CTIF: variants seen among roughly 807,000 people sequenced by gnomAD.
CTIF encodes cap binding complex dependent translation initiation factor.
A neutral mutation model predicts 66.0 loss-of-function variants in CTIF; 21 were observed. That is an observed-to-expected ratio of 0.32 (90% CI 0.23 to 0.46). CTIF has a LOEUF of 0.46. Among genes scored for constraint, CTIF ranks in the 20% least tolerant of loss-of-function variants. The probability of loss-of-function intolerance (pLI) is 1.00; values close to 1 mark genes in which losing one functional copy is unlikely to be tolerated. For synonymous variants in CTIF, 345 were observed against 326.4 expected (o/e 1.06, Z -0.62); for missense variants, 739 against 812.7 (o/e 0.91, Z 1.10).
rs181886453 is a variant in CTIF, at chr18:48,615,084, C to T, written c.-28-4454C>T. 1.2e-4 allele frequency among the ~76,000 whole-genome samples: 18 copies of T among 152,092 alleles called. No individual in the cohort carries two copies. The East Asian group carries it at 2.5e-3, about 21-fold the overall frequency. On this transcript the variant is annotated intron_variant, in intron 1 of 11. Transcript: ENST00000256413. ...ATTTTTAAAAAAATTTTTGGAAAGA[C>T]GAGGTCTTGCTATGTTGCCTAGGCT...
chr18:48,717,649 T>C (rs1194496787), intron 7 of CTIF, among the ~76,000 whole-genome samples: 1 of 152,086 alleles, frequency 6.6e-6, no homozygotes, highest in African/African-American at 2.4e-5. Flanking sequence ...ACTGTGTGAA[T>C]TATATCTCAA....
intron 1 of CTIF, among the ~76,000 whole-genome samples, chr18:48,570,909 A>T (rs747313656): frequency 3.9e-5 from 6 of 151,958 alleles, no homozygotes; most frequent in Non-Finnish European, 8.8e-5. Context: ...TTGTCCCAGG[A>T]TTTTCTTTTG....
intron 6 of CTIF, chr18:48,692,511 C>T (rs975160377): frequency 6.6e-6 from 1 of 152,160 alleles, no homozygotes; most frequent in African/African-American, 2.4e-5. Context: ...TCTGCTGGGA[C>T]ATTCTAGAAT....
chr18:48,859,226 T>C, intron 11 of CTIF, 118 bp from the exon 12 acceptor site: 1 of 829,360 alleles, frequency 1.2e-6, no homozygotes. Context: ...CACAGGGGTC[T>C]GGGCCTGTGT....
chr18:48,681,281 C>T (rs1031153454), intron 6 of CTIF, among the ~76,000 whole-genome samples: 7 of 152,306 alleles, frequency 4.6e-5, no homozygotes, highest in African/African-American at 9.6e-5. Flanking sequence ...TGTGTGACAC[C>T]GTCAGTTGCT....
At chr18:48,783,579 A>AGCCT (rs1243284222) in intron 9 of CTIF, among the ~76,000 whole-genome samples, 1 of 152,108 alleles carries the variant, frequency 6.6e-6, no homozygotes, top group African/African-American at 2.4e-5. Context: ...TGTGGGGTAC[A>AGCCT]GCCTGGGGAG....
At chr18:48,741,008 A>C (rs1386033439) in intron 7 of CTIF, among the ~76,000 whole-genome samples, 1 of 152,246 alleles carries the variant, frequency 6.6e-6, no homozygotes, top group African/African-American at 2.4e-5. Flanking sequence ...CATCAGCTAT[A>C]AAATGAGGAC....
At chr18:48,811,580 C>T (rs1448219524) in intron 9 of CTIF, among the ~76,000 whole-genome samples, 1 of 152,184 alleles carries the variant, frequency 6.6e-6, no homozygotes, top group Non-Finnish European at 1.5e-5. Context: ...CTCCCCAGCT[C>T]CTTGTAACCA....
At chr18:48,845,606 A>T (rs1030960452) in intron 10 of CTIF, among the ~76,000 whole-genome samples, 2 of 151,860 alleles carry the variant, frequency 1.3e-5, no homozygotes, top group African/African-American at 4.8e-5. Context: ...TCTCCAGGTC[A>T]CCTCACTCAC....
At chr18:48,623,005 C>T (rs554890173) in intron 2 of CTIF, among the ~76,000 whole-genome samples, 1 of 152,350 alleles carries the variant, frequency 6.6e-6, no homozygotes. Flanking sequence ...TTTCTGTGCC[C>T]AGAGCAGCCA....
At position 48,860,110 on chromosome 18, in the gene CTIF, G is replaced by A. The variant is rs1004466476; in HGVS notation, c.*551G>A. On this transcript the variant is annotated 3_prime_UTR_variant, in exon 12 of 12. Transcript: ENST00000256413. ...TCCCCACCAGCCGCCCGTAATTGAC[G>A]GCCTTTGTCAGCCATGGCAGAGCTG... 46 of 375,750 alleles carry A rather than the reference G, an allele frequency of 1.2e-4. No individual in the cohort carries two copies. Among genetic ancestry groups the A allele is most frequent in the Non-Finnish European group, 2.2e-4 (40 of 186,004 alleles). The allele number at this position is 375,750 out of a possible 1,614,324, so 23.3% of individuals were successfully genotyped here. A position where few individuals can be genotyped will look rare whatever the true frequency, so the allele number is the denominator to read the frequency against.
chr18:48,713,010 T>C (rs1177220398), intron 7 of CTIF, among the ~76,000 whole-genome samples: 1 of 152,196 alleles, frequency 6.6e-6, no homozygotes, highest in Non-Finnish European at 1.5e-5. Context: ...AAAGGAACAC[T>C]GAGCAGGAAG....
chr18:48,648,020 C>G (rs1156262276), intron 3 of CTIF, among the ~76,000 whole-genome samples: 1 of 152,122 alleles, frequency 6.6e-6, no homozygotes, highest in Non-Finnish European at 1.5e-5. Flanking sequence ...GAGCTGGGGA[C>G]AGTTGAGGAG....
At chr18:48,673,360 C>T (rs113817009) in intron 6 of CTIF, among the ~76,000 whole-genome samples, 13 of 152,004 alleles carry the variant, frequency 8.6e-5, no homozygotes, top group African/African-American at 3.1e-4. Context: ...GAGTTTCTCC[C>T]ACCACTTCCC....
intron 9 of CTIF, among the ~76,000 whole-genome samples, chr18:48,796,833 G>A (rs1421331655): frequency 6.6e-6 from 1 of 152,214 alleles, no homozygotes; most frequent in Non-Finnish European, 1.5e-5. Context: ...GCTGATCTGA[G>A]GGACTTGTGT....
chr18:48,710,479 G>C (rs991058802), intron 6 of CTIF, among the ~76,000 whole-genome samples: 88 of 152,276 alleles, frequency 5.8e-4, no homozygotes, highest in Middle Eastern at 3.4e-3. Flanking sequence ...TCCACCCCAG[G>C]CCGCTCATAA....
chr18:48,668,992 T>C (rs954849360), intron 5 of CTIF, among the ~76,000 whole-genome samples: 12 of 152,138 alleles, frequency 7.9e-5, no homozygotes, highest in African/African-American at 2.7e-4. Flanking sequence ...GTTAGCCCCC[T>C]GTTCTCTTCC....
intron 1 of CTIF, among the ~76,000 whole-genome samples, chr18:48,544,158 G>A (rs937053398): frequency 6.6e-6 from 1 of 152,250 alleles, no homozygotes; most frequent in South Asian, 2.1e-4. Flanking sequence ...CTGGTAGGGA[G>A]AAGGACAGAA....
At chr18:48,598,789 T>C (rs16949591) in intron 1 of CTIF, among the ~76,000 whole-genome samples, 5,108 of 152,290 alleles carry the variant, frequency 0.034, 272 homozygotes, top group African/African-American at 0.11. Flanking sequence ...GTATTCAGCA[T>C]GGGCCAAAAG....
Sources: gnomAD v4.1 joint callset for allele counts (sites outside exome capture counted in the v4.1 genomes callset) on GRCh38, gnomAD v4.1.1 for gene constraint, MANE v1.5 for transcripts, NCBI Gene and HGNC (gene_info 2026-07-23, HGNC 2026-07-21) for gene names.